The following GPR21 variants were observed in gnomAD, a reference collection of about 807,000 sequenced individuals.
GPR21 encodes probable G protein-coupled receptor 21.
A neutral mutation model predicts 21.5 loss-of-function variants in GPR21; 9 were observed. The ratio of observed to expected loss-of-function variants is 0.42; its 90% CI spans 0.25 to 0.73. The LOEUF is 0.73. Ranked by LOEUF, GPR21 falls within the 30% of genes least tolerant of loss-of-function variation. The pLI is 0.27. For synonymous variants in GPR21, 169 were observed against 159.3 expected, an observed-to-expected ratio of 1.06 and a Z score of -0.46; for missense variants, 416 against 428.9, an observed-to-expected ratio of 0.97 and a Z score of 0.27.
the GPR21 span, among the ~76,000 whole-genome samples, chr9:123,043,054 A>G: frequency 2.6e-5 from 4 of 152,314 alleles, no homozygotes; most frequent in African/African-American, 7.2e-5. Context: ...TTTCCAACCC[A>G]CAATTTTATG....
chr9:123,038,241 A>G (rs1275098428), downstream of GPR21, among the ~76,000 whole-genome samples: 1 of 152,180 alleles, frequency 6.6e-6, no homozygotes, highest in African/African-American at 2.4e-5. Context: ...CTCTTACTCA[A>G]AATTCCATTT....
chr9:123,040,909 A>G, the GPR21 span, among the ~76,000 whole-genome samples: 1 of 152,154 alleles, frequency 6.6e-6, no homozygotes, highest in Non-Finnish European at 1.5e-5. Context: ...GTTATTTTGC[A>G]GAGGAGAAAC....
chr9:123,044,498 C>T, the GPR21 span, among the ~76,000 whole-genome samples: 2 of 152,080 alleles, frequency 1.3e-5, no homozygotes, highest in Admixed American at 6.5e-5. Context: ...TGTATCACTA[C>T]GCCTCCATAG....
downstream of GPR21, among the ~76,000 whole-genome samples, chr9:123,039,031 G>A (rs2032816629): frequency 6.6e-6 from 1 of 152,160 alleles, no homozygotes; most frequent in South Asian, 2.1e-4. Flanking sequence ...GCTTGCGTTA[G>A]ATAATAGATG....
downstream of GPR21, among the ~76,000 whole-genome samples, chr9:123,035,882 G>A (rs2032629394): frequency 6.6e-6 from 1 of 152,134 alleles, no homozygotes; most frequent in Non-Finnish European, 1.5e-5. Context: ...TCTTGGAAAT[G>A]ACTACAGTTC....
the GPR21 span, among the ~76,000 whole-genome samples, chr9:123,047,934 T>TG: frequency 1.4e-5 from 1 of 73,540 alleles, no homozygotes; most frequent in Non-Finnish European, 2.2e-5. Context: ...TTTTTTTTTT[T>TG]TTTTTTTTTT....
At chr9:123,042,722 C>T in the GPR21 span, among the ~76,000 whole-genome samples, 130 of 152,172 alleles carry the variant, frequency 8.5e-4, no homozygotes, top group African/African-American at 2.9e-3. Flanking sequence ...AGCTGACTAA[C>T]AGAATCTTCA....
chr9:123,033,723 T>A lies in GPR21; in HGVS notation c.-416T>A, dbSNP rs1177833333. On this transcript the variant is annotated 5_prime_UTR_variant, in exon 1 of 2. Coordinates refer to ENST00000616002, the MANE Select transcript of GPR21 (RefSeq NM_005294.3). ...GATGTATTGTGGCTTTTGTTTGGAT[T>A]GCAGCATGCAGAATTACAGGTAACA... is the stretch of plus-strand genomic sequence containing the variant. 2.6e-5 allele frequency: 4 copies of A among 152,254 alleles called. No homozygotes were observed. Among genetic ancestry groups the A allele is most frequent in the African/African-American group, 9.6e-5 (4 of 41,464 alleles). The allele number at this position is 152,254 out of a possible 1,614,324, so 9.4% of individuals were successfully genotyped here.
chr9:123,044,194 C>T, the GPR21 span, among the ~76,000 whole-genome samples: 7 of 152,108 alleles, frequency 4.6e-5, no homozygotes, highest in Non-Finnish European at 7.4e-5. Flanking sequence ...TGAGCCACCG[C>T]GCCCAGCCAG....
chr9:123,042,650 G>A, the GPR21 span, among the ~76,000 whole-genome samples: 1 of 152,142 alleles, frequency 6.6e-6, no homozygotes, highest in Non-Finnish European at 1.5e-5. Context: ...AAACAAAAAG[G>A]CAGAGAGACA....
chr9:123,042,863 A>G, the GPR21 span, among the ~76,000 whole-genome samples: 3 of 152,228 alleles, frequency 2.0e-5, no homozygotes, highest in African/African-American at 7.2e-5. Context: ...CATGATGGCA[A>G]ATTGTTATAA....
At chr9:123,035,849 T>A (rs2032627163), downstream of GPR21, among the ~76,000 whole-genome samples, 1 of 152,204 alleles carries the variant, frequency 6.6e-6, no homozygotes, top group African/African-American at 2.4e-5. Flanking sequence ...GACAAATTGC[T>A]CTTGCTCTCA....
chr9:123,035,208 C>T lies in GPR21; in HGVS notation c.642C>T (p.Ile214=). The change falls in exon 2 of 2, where the codon ATC becomes ATT. Residue 214 remains isoleucine, a synonymous_variant. Transcript: ENST00000616002. ...ALIVCFTYFN[I]FRICQQHTKD... ...TTGTCTGCTTCACCTATTTCAACATCTTCCGCATCTGCCAACAGCACACAA... is the reference window on the plus strand; with the variant it reads ...TTGTCTGCTTCACCTATTTCAACATTTTCCGCATCTGCCAACAGCACACAA... The T allele has an allele frequency of 1.2e-6, 2 of 1,614,204 alleles. No individual in the cohort carries two copies. The highest frequency in any genetic ancestry group is 1.7e-6 in the Non-Finnish European group (2 of 1,180,032).
At chr9:123,037,903 A>G (rs925515667), downstream of GPR21, among the ~76,000 whole-genome samples, 12 of 152,026 alleles carry the variant, frequency 7.9e-5, no homozygotes, top group African/African-American at 2.7e-4. Flanking sequence ...GTCTGACTTC[A>G]AAAAAAATGT....
At chr9:123,046,169 A>C in the GPR21 span, among the ~76,000 whole-genome samples, 4 of 152,202 alleles carry the variant, frequency 2.6e-5, no homozygotes, top group Non-Finnish European at 5.9e-5. Flanking sequence ...AGTCCTATAC[A>C]AATCTCGGAC....
chr9:123,037,969 G>A (rs2032753385), downstream of GPR21, among the ~76,000 whole-genome samples: 3 of 152,200 alleles, frequency 2.0e-5, 1 homozygote, highest in South Asian at 6.2e-4. Flanking sequence ...ACTTTATATG[G>A]CATGTGACTG....
Position 123,035,347 on chromosome 9 carries a change from T to G in GPR21, c.781T>G (p.Phe261Val). 1 of 1,614,164 alleles carries G rather than the reference T, an allele frequency of 6.2e-7. No homozygotes were observed. Among genetic ancestry groups the G allele is most frequent in the Non-Finnish European group, 8.5e-7 (1 of 1,180,018 alleles). The change falls in exon 2 of 2, where the codon TTT becomes GTT. Residue 261 changes from phenylalanine (F) to valine (V), a missense_variant. By Grantham distance (50) the Phe-to-Val change is conservative (BLOSUM62 -1). Transcript: ENST00000616002. ...AMVLFRITSVFYILWLPYIIY... is the reference protein window; with the variant it reads ...AMVLFRITSVVYILWLPYIIY... ...GGTCCTGTTTCGAATCACTAGTGTA[T>G]TTTACATCCTCTGGTTGCCATATAT... is the stretch of plus-strand genomic sequence containing the variant.
chr9:123,039,372 A>G (rs147041284), downstream of GPR21, among the ~76,000 whole-genome samples: 1 of 152,280 alleles, frequency 6.6e-6, no homozygotes, highest in Non-Finnish European at 1.5e-5. Flanking sequence ...CTTTATCCCC[A>G]CAATCTGACC....
chr9:123,034,074 T>G, intron 1 of GPR21, 97 bp from the exon 2 acceptor site: 1 of 163,166 alleles, frequency 6.1e-6, no homozygotes, highest in Non-Finnish European at 1.3e-5. Flanking sequence ...CCAGTAGGGG[T>G]GGAGCGGGAG....
Sources: gnomAD v4.1 joint callset for allele counts (sites outside exome capture counted in the v4.1 genomes callset) on GRCh38, gnomAD v4.1.1 for gene constraint, MANE v1.5 for transcripts, NCBI Gene and HGNC (gene_info 2026-07-23, HGNC 2026-07-21) for gene names.